Variants in HDAC9 observed in about 807,000 individuals in gnomAD.
HDAC9 encodes MEF-2 interacting transcription repressor (MITR) protein.
A neutral mutation model predicts 139.4 loss-of-function variants in HDAC9; 41 were observed. The observed-to-expected ratio is 0.29, with a 90% CI of 0.23 to 0.38. HDAC9 has a LOEUF of 0.38. Ranked by LOEUF, HDAC9 falls within the 10% of genes least tolerant of loss-of-function variation. The pLI is 1.00. For missense variants in HDAC9, 1,147 were observed against 1,297.0 expected (o/e 0.88, Z 1.78); for synonymous variants, 517 against 476.2 (o/e 1.09, Z -1.12).
At chr7:18,944,132 A>G (rs1406658311) in intron 23 of HDAC9, among the ~76,000 whole-genome samples, 2 of 152,166 alleles carry the variant, frequency 1.3e-5, no homozygotes, top group Non-Finnish European at 2.9e-5. Context: ...CAATTATTCA[A>G]ATGAGAGTTG....
chr7:18,716,201 AG>A (rs1784687474), intron 12 of HDAC9, among the ~76,000 whole-genome samples: 1 of 152,200 alleles, frequency 6.6e-6, no homozygotes, highest in African/African-American at 2.4e-5. Flanking sequence ...CAACCAGACA[AG>A]GGATGCTAAT....
chr7:18,089,197 G>A (rs921717433), intron 1 of HDAC9, among the ~76,000 whole-genome samples: 2 of 148,128 alleles, frequency 1.4e-5, no homozygotes, highest in Non-Finnish European at 3.0e-5. Context: ...CCAGTTTATG[G>A]GTAGGAGACA....
intron 6 of HDAC9, among the ~76,000 whole-genome samples, chr7:18,601,541 A>G (rs1833949990): frequency 6.6e-6 from 1 of 151,962 alleles, no homozygotes; most frequent in South Asian, 2.1e-4. Context: ...GTAAAAGGGG[A>G]CATCCTCACC....
chr7:18,289,863 A>G (rs556568207), upstream of HDAC9, among the ~76,000 whole-genome samples: 242 of 152,194 alleles, frequency 1.6e-3, no homozygotes, highest in Non-Finnish European at 3.1e-3. Flanking sequence ...GAGGATGTCT[A>G]ATTTTCCCTC....
intron 11 of HDAC9, among the ~76,000 whole-genome samples, chr7:18,660,651 G>T (rs540505130): frequency 1.8e-4 from 28 of 152,168 alleles, no homozygotes; most frequent in African/African-American, 5.5e-4. Flanking sequence ...GGACTCTAAA[G>T]AAAATATATT....
At chr7:18,565,940 G>A (rs1328709129) in intron 2 of HDAC9, among the ~76,000 whole-genome samples, 1 of 151,534 alleles carries the variant, frequency 6.6e-6, no homozygotes, top group Non-Finnish European at 1.5e-5. Flanking sequence ...TAAGCAATGT[G>A]GGAGCTGTTG....
chr7:18,336,510 A>G (rs1353701140), intron 1 of HDAC9, among the ~76,000 whole-genome samples: 1 of 151,636 alleles, frequency 6.6e-6, no homozygotes, highest in African/African-American at 2.4e-5. Context: ...ACTTTTCACT[A>G]TGAATATATG....
chr7:18,590,546 C>T, intron 4 of HDAC9, 60 bp downstream of exon 4: 1 of 1,500,684 alleles, frequency 6.7e-7, no homozygotes, highest in African/African-American at 1.4e-5. Flanking sequence ...GATCATTATT[C>T]AGAACAAAGC....
chr7:18,804,819 TG>T (rs1793574803), intron 17 of HDAC9, among the ~76,000 whole-genome samples: 1 of 152,152 alleles, frequency 6.6e-6, no homozygotes, highest in Admixed American at 6.6e-5. Flanking sequence ...TATTGAGACA[TG>T]GTCTCACTCT....
At chr7:18,945,675 C>T (rs1782329643) in intron 23 of HDAC9, among the ~76,000 whole-genome samples, 1 of 152,048 alleles carries the variant, frequency 6.6e-6, no homozygotes, top group Non-Finnish European at 1.5e-5. Flanking sequence ...ATGTATATGG[C>T]ATAATATAGA....
chr7:18,838,683 A>G (rs1332000864), intron 21 of HDAC9, among the ~76,000 whole-genome samples: 3 of 152,064 alleles, frequency 2.0e-5, no homozygotes, highest in Non-Finnish European at 2.9e-5. Flanking sequence ...CTTGTTTCCT[A>G]GTATTGAACC....
Sources: allele counts gnomAD v4.1 joint callset (sites outside exome capture counted in the v4.1 genomes callset), GRCh38; gene constraint gnomAD v4.1.1; transcripts MANE v1.5; gene names NCBI Gene and HGNC (gene_info 2026-07-23, HGNC 2026-07-21).